SMCHD1: variants seen among roughly 807,000 people sequenced by gnomAD.
SMCHD1 encodes structural maintenance of chromosomes flexible hinge domain containing 1.
A neutral mutation model predicts 254.7 loss-of-function variants in SMCHD1; 78 were observed. The observed-to-expected ratio is 0.31, with a 90% CI of 0.26 to 0.37. The LOEUF is 0.37. SMCHD1 is among the 10% of genes least tolerant of loss of function. The pLI, the probability that SMCHD1 is intolerant of heterozygous loss-of-function variation, is 1.00. For synonymous variants in SMCHD1, 766 were observed against 794.9 expected (o/e 0.96, Z 0.61); for missense variants, 1,840 against 2,408.1 (o/e 0.76, Z 4.94).
At chr18:2,773,070 GT>G (rs1346031650) in intron 41 of SMCHD1, among the ~76,000 whole-genome samples, 1 of 152,170 alleles carries the variant, frequency 6.6e-6, no homozygotes, top group Non-Finnish European at 1.5e-5. Flanking sequence ...GTCTGTGATA[GT>G]TTTTTTATAT....
chr18:2,718,135 T>C lies in SMCHD1; in HGVS notation c.2261-23T>C, dbSNP rs371139682. The C allele has an allele frequency of 1.3e-6, 2 of 1,553,848 alleles. No homozygotes were observed. Among genetic ancestry groups the C allele is most frequent in the Non-Finnish European group, 1.8e-6 (2 of 1,133,634 alleles). On this transcript the variant is annotated intron_variant, in intron 17 of 47. Coordinates refer to ENST00000320876, the MANE Select transcript of SMCHD1 (RefSeq NM_015295.3). This position sits in a 1 kb window ranked among gnomAD's most constrained non-coding sequence, Gnocchi z 4.6. ...TACGTTGAATTTCTCAAGACACTAT[T>C]GTTTCTTTTTTCTTTTATTAAGCTT...
Position 2,697,134 on chromosome 18 carries a change from A to G in SMCHD1, c.1131+12A>G, listed in dbSNP as rs1598330610. The G allele has an allele frequency of 1.6e-6, 2 of 1,265,060 alleles. No individual in the cohort carries two copies. The highest frequency in any genetic ancestry group is 1.5e-5 in the African/African-American group (1 of 65,500). The allele number at this position is 1,265,060 out of a possible 1,614,324, so 78.4% of individuals were successfully genotyped here. A position where few individuals can be genotyped will look rare whatever the true frequency, so the allele number is the denominator to read the frequency against. On this transcript the variant is annotated intron_variant, in intron 9 of 47. Coordinates refer to ENST00000320876, the MANE Select transcript of SMCHD1 (RefSeq NM_015295.3). The stretch of plus-strand genomic sequence containing the variant: ...ATATTGATATTGAAGTAAGAGAAAA[A>G]TCCATCTTAAAATAATAAAAATTAT...
chr18:2,748,066 ACTTAT>A (rs1401672443), intron 30 of SMCHD1, among the ~76,000 whole-genome samples: 1 of 152,132 alleles, frequency 6.6e-6, no homozygotes, highest in African/African-American at 2.4e-5. Flanking sequence ...CCTATCCTCT[ACTTAT>A]CTTATGGAGA....
chr18:2,762,690 G>A (rs1336434160), intron 36 of SMCHD1, among the ~76,000 whole-genome samples: 4 of 151,972 alleles, frequency 2.6e-5, no homozygotes, highest in African/African-American at 9.7e-5. Context: ...GTTTTGCTGT[G>A]TTGCCCAGGC....
chr18:2,725,325 C>T (rs1407908086), intron 21 of SMCHD1, among the ~76,000 whole-genome samples: 2 of 150,198 alleles, frequency 1.3e-5, no homozygotes, highest in African/African-American at 4.9e-5. Context: ...CTCTCTCCTA[C>T]TGTTTCTGTC....
At chr18:2,748,342 T>TTGTGTGTGTGTGTGTGTGTG (rs1199860810) in intron 30 of SMCHD1, among the ~76,000 whole-genome samples, 15 of 78,450 alleles carry the variant, frequency 1.9e-4, no homozygotes, top group African/African-American at 8.4e-4. Context: ...CTTTGCAAAG[T>TTGTGTGTGTGTGTGTGTGTG]TGTGTGTGTG....
intron 15 of SMCHD1, 26 bp from the exon 16 acceptor site, chr18:2,707,537 A>C (rs754040113): frequency 3.2e-5 from 46 of 1,434,808 alleles, no homozygotes; most frequent in Non-Finnish European, 4.1e-5. Flanking sequence ...AGTTTGTGGA[A>C]CATTAATATG....
chr18:2,748,390 ATTTTTTTT>A (rs67175512), intron 30 of SMCHD1, among the ~76,000 whole-genome samples: 1 of 92,700 alleles, frequency 1.1e-5, no homozygotes, highest in Non-Finnish European at 1.9e-5. Context: ...GTGTATATAA[ATTTTTTTT>A]TTTTTTTTTT....
chr18:2,789,366 A>T (rs1161743000), intron 45 of SMCHD1, among the ~76,000 whole-genome samples: 1 of 152,192 alleles, frequency 6.6e-6, no homozygotes, highest in Non-Finnish European at 1.5e-5. Flanking sequence ...CAAGTAAAAC[A>T]TAGAAATGTT....
At chr18:2,732,675 T>A (rs945647534) in intron 25 of SMCHD1, among the ~76,000 whole-genome samples, 183 bp downstream of exon 25, 6 of 152,194 alleles carry the variant, frequency 3.9e-5, no homozygotes, top group Non-Finnish European at 2.9e-5. Context: ...TGCAAATGAT[T>A]CATATGTGAC....
At chr18:2,770,583 A>C (rs2075959200) in intron 39 of SMCHD1, among the ~76,000 whole-genome samples, 1 of 151,784 alleles carries the variant, frequency 6.6e-6, no homozygotes, top group South Asian at 2.1e-4. Flanking sequence ...GAGTCAATTC[A>C]CAGAAAGTTT....
chr18:2,728,642 T>C, intron 23 of SMCHD1, 46 bp downstream of exon 23: 2 of 1,580,548 alleles, frequency 1.3e-6, no homozygotes, highest in Non-Finnish European at 1.7e-6. Context: ...TTGTAGTAAG[T>C]GGCAATGACT....
intron 1 of SMCHD1, among the ~76,000 whole-genome samples, chr18:2,665,496 T>C (rs2073412236): frequency 6.6e-6 from 1 of 152,076 alleles, no homozygotes; most frequent in African/African-American, 2.4e-5. Flanking sequence ...AATTTTTGTA[T>C]TTTTAGTAGA....
At chr18:2,697,375 A>G (rs578113032) in intron 9 of SMCHD1, among the ~76,000 whole-genome samples, 1 of 152,174 alleles carries the variant, frequency 6.6e-6, no homozygotes, top group Non-Finnish European at 1.5e-5. Context: ...TTGTTACTGA[A>G]CATCAATCAT....
At chr18:2,685,935 A>T (rs2074041717) in intron 5 of SMCHD1, among the ~76,000 whole-genome samples, 1 of 152,210 alleles carries the variant, frequency 6.6e-6, no homozygotes, top group Non-Finnish European at 1.5e-5. Flanking sequence ...TGCATGCAAA[A>T]TCTGAGTCCC....
At chr18:2,706,324 A>G (rs1454457774) in intron 14 of SMCHD1, 40 bp from the exon 15 acceptor site, 1 of 1,360,852 alleles carries the variant, frequency 7.3e-7, no homozygotes, top group East Asian at 2.5e-5. Context: ...GCTAGATTTA[A>G]ATAGTTTTCT....
At chr18:2,660,823 T>A (rs1400272476) in intron 1 of SMCHD1, among the ~76,000 whole-genome samples, 1 of 152,054 alleles carries the variant, frequency 6.6e-6, no homozygotes, top group African/African-American at 2.4e-5. Flanking sequence ...CATGGATATT[T>A]CATATGGATT....
Position 2,751,260 on chromosome 18 carries a change from T to TA in SMCHD1, c.4166-16dup. 1.4e-6 allele frequency: 2 copies of TA among 1,400,754 alleles called. No homozygotes were observed. The highest frequency in any genetic ancestry group is 2.0e-6 in the Non-Finnish European group (2 of 1,010,530). 86.8% of individuals were successfully genotyped at this position (1,400,754 alleles called of 1,614,324 possible). A position where few individuals can be genotyped will look rare whatever the true frequency, so the allele number is the denominator to read the frequency against. ...ATTGAACTAGAAAGAGATAATTTTTTAACGTTTACCATGACAGATTTTATG... is the reference window on the plus strand; with the variant it reads ...ATTGAACTAGAAAGAGATAATTTTTTAAACGTTTACCATGACAGATTTTATG... On this transcript the variant is annotated splice_polypyrimidine_tract_variant and intron_variant, in intron 32 of 47. Transcript: ENST00000320876.
chr18:2,688,249 T>C, intron 5 of SMCHD1, 145 bp from the exon 6 acceptor site: 2 of 616,016 alleles, frequency 3.2e-6, no homozygotes, highest in East Asian at 5.5e-5. Context: ...CTGGAGTAGA[T>C]GTCTTGACAC....
Sources: allele counts gnomAD v4.1 joint callset (sites outside exome capture counted in the v4.1 genomes callset), GRCh38; gene constraint gnomAD v4.1.1; non-coding constraint Gnocchi (gnomAD v3.1); transcripts MANE v1.5; gene names NCBI Gene and HGNC (gene_info 2026-07-23, HGNC 2026-07-21).